BMPR1B: variants seen among roughly 807,000 people sequenced by gnomAD.
BMPR1B encodes bone morphogenetic protein receptor type 1B.
BMPR1B carries 12 observed loss-of-function variants against 59.1 expected under a neutral mutation model. The ratio of observed to expected loss-of-function variants is 0.20; its 90% CI spans 0.13 to 0.33. The LOEUF is 0.33. Among genes scored for constraint, BMPR1B ranks in the 10% least tolerant of loss-of-function variants. BMPR1B has a pLI of 1.00. For synonymous variants in BMPR1B, 237 were observed against 207.3 expected, an observed-to-expected ratio of 1.14 and a Z score of -1.23; for missense variants, 550 against 610.9, an observed-to-expected ratio of 0.90 and a Z score of 1.05.
At chr4:95,027,114 G>A (rs1025430789) in intron 3 of BMPR1B, among the ~76,000 whole-genome samples, 9 of 151,930 alleles carry the variant, frequency 5.9e-5, no homozygotes, top group Non-Finnish European at 1.2e-4. Flanking sequence ...ACAGATTATT[G>A]CTTCTTTCTC....
intron 3 of BMPR1B, among the ~76,000 whole-genome samples, chr4:95,034,785 G>A (rs780526097): frequency 1.1e-4 from 16 of 151,932 alleles, no homozygotes; most frequent in Non-Finnish European, 1.8e-4. Flanking sequence ...TTCCCTCTGG[G>A]TAGATACACA....
chr4:94,818,784 G>T (rs1724100876), intron 1 of BMPR1B, among the ~76,000 whole-genome samples: 1 of 152,058 alleles, frequency 6.6e-6, no homozygotes, highest in African/African-American at 2.4e-5. Context: ...ACTGATTTTG[G>T]GGGAGGGGAG....
At chr4:94,915,834 G>A (rs1728462721) in intron 2 of BMPR1B, among the ~76,000 whole-genome samples, 1 of 152,182 alleles carries the variant, frequency 6.6e-6, no homozygotes, top group African/African-American at 2.4e-5. Context: ...CCCAATGCTG[G>A]AGGCTGGGCC....
intron 10 of BMPR1B, 66 bp from the exon 11 acceptor site, chr4:95,148,682 A>G: frequency 6.6e-7 from 1 of 1,517,126 alleles, no homozygotes; most frequent in Non-Finnish European, 9.1e-7. Flanking sequence ...TTGTTTCAGA[A>G]TCACCTTGAT....
intron 1 of BMPR1B, among the ~76,000 whole-genome samples, chr4:94,862,805 C>T (rs952551881): frequency 3.3e-5 from 5 of 152,002 alleles, no homozygotes; most frequent in African/African-American, 9.6e-5. Context: ...ATTAGCCGGG[C>T]GTGGTTGCGG....
At chr4:95,136,391 C>T (rs774943099) in intron 10 of BMPR1B, among the ~76,000 whole-genome samples, 5 of 152,080 alleles carry the variant, frequency 3.3e-5, no homozygotes, top group African/African-American at 9.7e-5. Context: ...TGTGTCTCTG[C>T]CAGGCTTTGG....
At chr4:94,774,067 C>A (rs758176920) in intron 1 of BMPR1B, among the ~76,000 whole-genome samples, 4 of 151,976 alleles carry the variant, frequency 2.6e-5, no homozygotes, top group African/African-American at 4.8e-5. Flanking sequence ...ATACAGCAGT[C>A]AACTCTATTA....
intron 2 of BMPR1B, among the ~76,000 whole-genome samples, chr4:94,897,327 C>A (rs914129113): frequency 6.6e-6 from 1 of 152,118 alleles, no homozygotes; most frequent in South Asian, 2.1e-4. Context: ...TCTATTCCCG[C>A]GTGACTCATG....
At position 95,129,918 on chromosome 4, in the gene BMPR1B, C is replaced by T. The variant is rs1035315590; in HGVS notation, c.642C>T (p.Arg214=). ...IQMVKQIGKG[R]YGEVWMGKWR... Reference sequence around the variant, plus strand: ...TGGTGAAACAGATTGGAAAAGGTCGCTATGGGGAAGTTTGGATGGGAAAGT... The same window carrying T: ...TGGTGAAACAGATTGGAAAAGGTCGTTATGGGGAAGTTTGGATGGGAAAGT... The change falls in exon 9 of 13, where the codon CGC becomes CGT. Residue 214 remains arginine, a synonymous_variant. Coordinates refer to ENST00000515059, the MANE Select transcript of BMPR1B (RefSeq NM_001203.3). The T allele has an allele frequency of 3.1e-6, 5 of 1,613,644 alleles. No individual in the cohort carries two copies. The highest frequency in any genetic ancestry group is 4.2e-6 in the Non-Finnish European group (5 of 1,179,824).
At chr4:95,001,780 C>T (rs1397868783) in intron 3 of BMPR1B, among the ~76,000 whole-genome samples, 5 of 151,966 alleles carry the variant, frequency 3.3e-5, no homozygotes, top group African/African-American at 9.7e-5. Context: ...TTTAAATAAT[C>T]GAAGACGTAG....
intron 2 of BMPR1B, among the ~76,000 whole-genome samples, chr4:94,876,508 T>C (rs549200004): frequency 6.6e-6 from 1 of 152,360 alleles, no homozygotes; most frequent in African/African-American, 2.4e-5. Context: ...ACGAATGCTT[T>C]AAATGAATTC....
chr4:94,952,194 C>G (rs932406630), intron 2 of BMPR1B, among the ~76,000 whole-genome samples: 5 of 152,076 alleles, frequency 3.3e-5, no homozygotes, highest in African/African-American at 9.7e-5. Context: ...TTTTGTTAAT[C>G]TTTTCAAAAC....
At chr4:94,784,905 A>C (rs1722710474) in intron 1 of BMPR1B, among the ~76,000 whole-genome samples, 1 of 152,190 alleles carries the variant, frequency 6.6e-6, no homozygotes, top group South Asian at 2.1e-4. Context: ...CCTTTAGGGT[A>C]AGAGTCATAA....
chr4:94,937,746 A>G (rs1013802483), intron 2 of BMPR1B, among the ~76,000 whole-genome samples: 3 of 152,058 alleles, frequency 2.0e-5, no homozygotes, highest in Non-Finnish European at 2.9e-5. Context: ...ACAGACACAC[A>G]CAATCCATAC....
chr4:94,816,533 A>G lies in BMPR1B; in HGVS notation c.-183+58465A>G, dbSNP rs28691063. Among the ~76,000 whole-genome samples the G allele has an allele frequency of 7.5e-3, 1,135 of 152,294 alleles. 17 individuals are homozygous for G. The highest frequency in any genetic ancestry group is 0.026 in the African/African-American group (1,087 of 41,542). On this transcript the variant is annotated intron_variant, in intron 1 of 12. Coordinates refer to ENST00000515059, the MANE Select transcript of BMPR1B (RefSeq NM_001203.3). Reference sequence around the variant, plus strand: ...TCACTCTGTTTGGAATTTGGTACAAAATGTGAAGTACGGATCTAAATTAGT... The same window carrying G: ...TCACTCTGTTTGGAATTTGGTACAAGATGTGAAGTACGGATCTAAATTAGT...
intron 2 of BMPR1B, among the ~76,000 whole-genome samples, chr4:94,899,217 G>C (rs1463312255): frequency 6.6e-6 from 1 of 151,826 alleles, no homozygotes; most frequent in Non-Finnish European, 1.5e-5. Flanking sequence ...GGCATTTAGG[G>C]CCTATGTGGA....
intron 1 of BMPR1B, among the ~76,000 whole-genome samples, chr4:94,804,188 C>T (rs2110627417): frequency 6.6e-6 from 1 of 152,256 alleles, no homozygotes; most frequent in Non-Finnish European, 1.5e-5. Flanking sequence ...AGCACATTAA[C>T]ATTTTATAAT....
intron 4 of BMPR1B, among the ~76,000 whole-genome samples, chr4:95,113,277 G>A (rs976816149): frequency 6.6e-6 from 1 of 152,154 alleles, no homozygotes; most frequent in African/African-American, 2.4e-5. Context: ...TGACCTTGGT[G>A]TAAGAGAGGG....
intron 3 of BMPR1B, among the ~76,000 whole-genome samples, chr4:95,020,702 T>G (rs1414008399): frequency 6.6e-6 from 1 of 152,176 alleles, no homozygotes; most frequent in Non-Finnish European, 1.5e-5. Context: ...TTTTATTTTG[T>G]TATTAGTTTT....
Sources: allele counts gnomAD v4.1 joint callset (sites outside exome capture counted in the v4.1 genomes callset), GRCh38; gene constraint gnomAD v4.1.1; transcripts MANE v1.5; gene names NCBI Gene and HGNC (gene_info 2026-07-23, HGNC 2026-07-21).